The following PPIE variants were observed in gnomAD, a reference collection of about 807,000 sequenced individuals.
PPIE encodes the protein peptidylprolyl isomerase E.
A neutral mutation model predicts 38.4 loss-of-function variants in PPIE; 20 were observed. The ratio of observed to expected loss-of-function variants is 0.52; its 90% CI spans 0.37 to 0.76. The LOEUF (loss-of-function observed/expected upper bound fraction) is 0.76, where lower values mean the gene tolerates loss of function less well. PPIE is among the 30% of genes least tolerant of loss of function. The pLI, the probability that PPIE is intolerant of heterozygous loss-of-function variation, is 0.00. For synonymous variants in PPIE, 142 were observed against 135.7 expected (o/e 1.05, Z -0.32); for missense variants, 322 against 385.8 (o/e 0.83, Z 1.39).
chr1:39,747,455 C>CTTTTTTTTTTT lies in PPIE; in HGVS notation c.509-1433_509-1423dup, dbSNP rs35755213. The CTTTTTTTTTTT allele has an allele frequency of 2.1e-4, 15 of 72,966 alleles. 1 individual carries two copies. The highest frequency in any genetic ancestry group is 8.0e-4 in the East Asian group (2 of 2,490). The allele number at this position is 72,966 out of a possible 1,614,324, so 4.5% of individuals were successfully genotyped here. A position where few individuals can be genotyped will look rare whatever the true frequency, so the allele number is the denominator to read the frequency against. On this transcript the variant is annotated intron_variant, in intron 7 of 9. Coordinates refer to ENST00000324379, the MANE Select transcript of PPIE (RefSeq NM_006112.4). ...GTGTTTCAGTTTTTCCACATCTTCT[C>CTTTTTTTTTTT]TTTTTTTTTTTTTTTTTTTTTTTTT... is the stretch of plus-strand genomic sequence containing the variant.
chr1:39,756,114 C>T lies in PPIE; in HGVS notation c.*2759C>T. ...CCCAGAGCTGGGCAGTGGCATGCCC[C>T]ACAGCCTGGCCACCTGCTTCGGCTA... On this transcript the variant is annotated 3_prime_UTR_variant, in exon 10 of 10. Transcript: ENST00000324379. 4 of 985,454 alleles carry T rather than the reference C, an allele frequency of 4.1e-6. No individual in the cohort carries two copies. Among genetic ancestry groups the T allele is most frequent in the Non-Finnish European group, 4.8e-6 (4 of 829,938 alleles). The allele number at this position is 985,454 out of a possible 1,614,324, so 61.0% of individuals were successfully genotyped here.
chr1:39,758,676 A>T (rs1233206787), downstream of PPIE: 2 of 152,302 alleles, frequency 1.3e-5, no homozygotes, highest in East Asian at 3.8e-4. Flanking sequence ...GCAGATAGAA[A>T]ATGGAGGCGC....
chr1:39,754,912 C>A lies in PPIE; in HGVS notation c.*1557C>A. On this transcript the variant is annotated 3_prime_UTR_variant, in exon 10 of 10. Coordinates refer to ENST00000324379, the MANE Select transcript of PPIE (RefSeq NM_006112.4). ...ATCTAGACTAGTGTTTGACTAAAAA[C>A]TGGATACCATGGCCTAGCCAAATTG... is the stretch of plus-strand genomic sequence containing the variant. 1 of 661,866 alleles carries A rather than the reference C, an allele frequency of 1.5e-6. No individual in the cohort carries two copies. Among genetic ancestry groups the A allele is most frequent in the Non-Finnish European group, 1.9e-6 (1 of 534,596 alleles). 41.0% of individuals were successfully genotyped at this position (661,866 alleles called of 1,614,324 possible). A position where few individuals can be genotyped will look rare whatever the true frequency, so the allele number is the denominator to read the frequency against.
At chr1:39,753,162 A>C in intron 9 of PPIE, 110 bp downstream of exon 9, 1 of 1,589,014 alleles carries the variant, frequency 6.3e-7, no homozygotes, top group Non-Finnish European at 8.6e-7. Context: ...GGCTGTGTCC[A>C]GCGGGAGGGG....
chr1:39,742,099 T>A, intron 4 of PPIE, 178 bp downstream of exon 4: 1 of 618,268 alleles, frequency 1.6e-6, no homozygotes, highest in Admixed American at 3.0e-5. Context: ...TTACTCAGAC[T>A]CCTTCGCCAT....
downstream of PPIE, chr1:39,759,067 C>T (rs905636981): frequency 1.1e-4 from 16 of 152,260 alleles, no homozygotes; most frequent in African/African-American, 3.9e-4. Context: ...CAGCTGGACT[C>T]TGTCTATTCC....
rs943820653 is a variant in PPIE, at chr1:39,754,891, A to C, written c.*1536A>C. ...AGAAACCATCATCACAGCAACATCT[A>C]GACTAGTGTTTGACTAAAAACTGGA... On this transcript the variant is annotated 3_prime_UTR_variant, in exon 10 of 10. Coordinates refer to ENST00000324379, the MANE Select transcript of PPIE (RefSeq NM_006112.4). 4.8e-6 allele frequency: 2 copies of C among 420,140 alleles called. No homozygotes were observed. The highest frequency in any genetic ancestry group is 4.3e-5 in the African/African-American group (2 of 46,422). 26.0% of individuals were successfully genotyped at this position (420,140 alleles called of 1,614,324 possible). A position where few individuals can be genotyped will look rare whatever the true frequency, so the allele number is the denominator to read the frequency against.
At chr1:39,760,588 A>G (rs1437811264), downstream of PPIE, 2 of 1,611,354 alleles carry the variant, frequency 1.2e-6, no homozygotes, top group Non-Finnish European at 1.7e-6. Context: ...AAGAGGGCAC[A>G]GGCAGGGGCA....
At chr1:39,745,684 G>C in intron 7 of PPIE, 186 bp downstream of exon 7, 1 of 812,148 alleles carries the variant, frequency 1.2e-6, no homozygotes, top group South Asian at 2.3e-5. Flanking sequence ...AGCTTTATAA[G>C]TGCTGGCTTA....
At chr1:39,742,490 C>CTTTTTTTTTTTTTTTT (rs5773671) in intron 4 of PPIE, 1 of 107,292 alleles carries the variant, frequency 9.3e-6, no homozygotes, top group Non-Finnish European at 1.8e-5. Flanking sequence ...TTCTTTCTTT[C>CTTTTTTTTTTTTTTTT]TTTTTTTTTT....
At chr1:39,745,802 T>A in intron 7 of PPIE, 1 of 248,704 alleles carries the variant, frequency 4.0e-6, no homozygotes, top group Non-Finnish European at 7.8e-6. Context: ...AATTGAAAAT[T>A]CATTTTCCCC....
At chr1:39,743,340 T>C (rs1557444238) in intron 5 of PPIE, 43 bp downstream of exon 5, 9 of 1,583,770 alleles carry the variant, frequency 5.7e-6, no homozygotes, top group Non-Finnish European at 6.9e-6. Flanking sequence ...TGTTCTGCAG[T>C]TTGGCCTTAG....
At chr1:39,748,651 C>G (rs1348431217) in intron 7 of PPIE, 5 of 446,448 alleles carry the variant, frequency 1.1e-5, no homozygotes, top group Non-Finnish European at 2.0e-5. Context: ...AGGGGAATGA[C>G]TTGAACCCAA....
downstream of PPIE, chr1:39,757,774 C>T (rs1648445397): frequency 6.6e-6 from 1 of 152,226 alleles, no homozygotes; most frequent in Admixed American, 6.5e-5. Flanking sequence ...GATGCACATG[C>T]TTGGCTCAGC....
chr1:39,746,324 G>C lies in PPIE; in HGVS notation c.508+826G>C, dbSNP rs376615928. ...TTGATAATTGCCTTGTTTTTGCATA[G>C]TTTTCTGTGTAATCATTCCTGATTT... is the stretch of plus-strand genomic sequence containing the variant. On this transcript the variant is annotated intron_variant, in intron 7 of 9. Transcript: ENST00000324379. 44 of 152,266 alleles carry C rather than the reference G, an allele frequency of 2.9e-4. No individual in the cohort carries two copies. The East Asian group carries it at 6.2e-3, about 21-fold the overall frequency. 9.4% of individuals were successfully genotyped at this position (152,266 alleles called of 1,614,324 possible). A position where few individuals can be genotyped will look rare whatever the true frequency, so the allele number is the denominator to read the frequency against.
intron 3 of PPIE, 113 bp from the exon 4 acceptor site, chr1:39,741,782 A>C: frequency 8.3e-7 from 1 of 1,204,698 alleles, no homozygotes; most frequent in South Asian, 1.3e-5. Context: ...AAACCTAGGC[A>C]AGAAATACAG....
chr1:39,755,369 G>T lies in PPIE; in HGVS notation c.*2014G>T. ...ATTCTGCCCTACCTCTGGCTCCCAT[G>T]TGCCGACTGGACTTTGTGAGCTCCA... On this transcript the variant is annotated 3_prime_UTR_variant, in exon 10 of 10. Coordinates refer to ENST00000324379, the MANE Select transcript of PPIE (RefSeq NM_006112.4). 1.0e-6 allele frequency: 1 copy of T among 985,464 alleles called. No homozygotes were observed. The highest frequency in any genetic ancestry group is 1.2e-6 in the Non-Finnish European group (1 of 829,936). The allele number at this position is 985,464 out of a possible 1,614,324, so 61.0% of individuals were successfully genotyped here.
intron 2 of PPIE, among the ~76,000 whole-genome samples, chr1:39,740,969 G>A (rs994821428): frequency 6.6e-6 from 1 of 152,176 alleles, no homozygotes; most frequent in Non-Finnish European, 1.5e-5. Flanking sequence ...TAAAGACTGA[G>A]CATCTTTATC....
chr1:39,754,820 T>G lies in PPIE; in HGVS notation c.*1465T>G, dbSNP rs1648097557. 1.3e-5 allele frequency among the ~76,000 whole-genome samples: 2 copies of G among 152,140 alleles called. No homozygotes were observed. The highest frequency in any genetic ancestry group is 4.8e-5 in the African/African-American group (2 of 41,418). The stretch of plus-strand genomic sequence containing the variant: ...CTGCAGTCAGCCATGGTCATGCCAC[T>G]GTACTCCAGCCTGGGTGACAAGAGG... On this transcript the variant is annotated 3_prime_UTR_variant, in exon 10 of 10. Transcript: ENST00000324379.
Sources: allele counts gnomAD v4.1 joint callset (sites outside exome capture counted in the v4.1 genomes callset), GRCh38; gene constraint gnomAD v4.1.1; transcripts MANE v1.5; gene names NCBI Gene and HGNC (gene_info 2026-07-23, HGNC 2026-07-21).